Variants in RUNX1T1 observed in about 807,000 individuals in gnomAD.
RUNX1T1 encodes protein CBFA2T1.
Under a neutral mutation model 62.8 loss-of-function variants are expected in RUNX1T1, and 4 were observed. The ratio of observed to expected loss-of-function variants is 0.06; its 90% CI spans 0.03 to 0.15. The LOEUF (loss-of-function observed/expected upper bound fraction) is 0.15. Among genes scored for constraint, RUNX1T1 ranks in the 10% least tolerant of loss-of-function variants. RUNX1T1 has a pLI of 1.00. For synonymous variants in RUNX1T1, 291 were observed against 286.0 expected, an observed-to-expected ratio of 1.02 and a Z score of -0.18; for missense variants, 508 against 754.3, an observed-to-expected ratio of 0.67 and a Z score of 3.82.
In RUNX1T1 at chr8:92,087,383, C is replaced by T. The variant is rs138687296; in HGVS notation, c.-85-11246G>A. Reference sequence around the variant, plus strand: ...TTCTCTCTCCACCCCTACTCCACCCCAATACTCCTCCAAAGTCTTTTCCAC... The same window carrying T: ...TTCTCTCTCCACCCCTACTCCACCCTAATACTCCTCCAAAGTCTTTTCCAC... On this transcript the variant is annotated intron_variant, in intron 1 of 11. Transcript: ENST00000265814. Among the ~76,000 whole-genome samples the T allele has an allele frequency of 4.9e-3, 305 of 61,942 alleles. 2 individuals are homozygous for T. Among genetic ancestry groups the T allele is most frequent in the African/African-American group, 0.029 (286 of 9,988 alleles). The allele number at this position is 61,942 out of a possible 152,430, so 40.6% of individuals were successfully genotyped here.
chr8:91,976,754 A>G (rs183063379), intron 8 of RUNX1T1, among the ~76,000 whole-genome samples: 31 of 152,382 alleles, frequency 2.0e-4, no homozygotes, highest in African/African-American at 7.2e-4. Context: ...TATAGTTCTT[A>G]CATATGCTCA....
chr8:91,982,286 A>G (rs911184121), intron 8 of RUNX1T1, among the ~76,000 whole-genome samples: 2 of 152,014 alleles, frequency 1.3e-5, no homozygotes, highest in African/African-American at 2.4e-5. Context: ...AGACTTCTAG[A>G]AAACAAAAAG....
rs1563801339 is a variant in RUNX1T1, at chr8:92,031,305, CT to C, written c.8-13943del. 2.0e-5 allele frequency among the ~76,000 whole-genome samples: 3 copies of C among 152,248 alleles called. No homozygotes were observed. In the South Asian group the frequency reaches 6.2e-4, roughly 32 times the overall value. ...ACATAGTCGGGTGTCCATTCAACCCCTATTGTGTGTGTACTCAAATCATTAC... is the reference window on the plus strand; with the variant it reads ...ACATAGTCGGGTGTCCATTCAACCCCATTGTGTGTGTACTCAAATCATTAC... On this transcript the variant is annotated intron_variant, in intron 1 of 10. Coordinates refer to ENST00000396218, the Ensembl canonical transcript of RUNX1T1.
chr8:91,996,930 T>C (rs1175696881), intron 5 of RUNX1T1, among the ~76,000 whole-genome samples: 1 of 150,014 alleles, frequency 6.7e-6, no homozygotes, highest in Non-Finnish European at 1.5e-5. Flanking sequence ...GAGACCAGCC[T>C]GGCCGACATG....
chr8:92,038,006 CT>C (rs1223044015), intron 1 of RUNX1T1, among the ~76,000 whole-genome samples: 1 of 151,866 alleles, frequency 6.6e-6, no homozygotes, highest in African/African-American at 2.4e-5. Flanking sequence ...ATTTTCACCC[CT>C]TTGTTTCCTT....
intron 1 of RUNX1T1, among the ~76,000 whole-genome samples, chr8:92,051,891 T>TAA (rs113781343): frequency 2.1e-5 from 3 of 142,854 alleles, no homozygotes; most frequent in Non-Finnish European, 3.1e-5. Context: ...TCATGCTCTT[T>TAA]AAAAAAAAAA....
exon 11 of RUNX1T1, chr8:91,959,135 C>T (rs1395279006): frequency 4.6e-6 from 1 of 217,846 alleles, no homozygotes; most frequent in Non-Finnish European, 9.3e-6. Flanking sequence ...CATTGGGAAA[C>T]CTCACAGGAC....
intron 1 of RUNX1T1, among the ~76,000 whole-genome samples, chr8:92,019,766 T>C (rs1948359212): frequency 6.6e-6 from 1 of 152,244 alleles, no homozygotes; most frequent in Non-Finnish European, 1.5e-5. Flanking sequence ...TCCTATCTTC[T>C]TCCCAATTTT....
chr8:92,075,766 T>A (rs568392263), intron 2 of RUNX1T1, among the ~76,000 whole-genome samples, 199 bp downstream of exon 2: 1 of 152,152 alleles, frequency 6.6e-6, no homozygotes, highest in African/African-American at 2.4e-5. Context: ...CAAACAGGGT[T>A]CCCACCACCA....
chr8:92,076,086 C>T, exon 2 of RUNX1T1: 1 of 1,602,058 alleles, frequency 6.2e-7, no homozygotes, highest in Non-Finnish European at 8.5e-7. Context: ...TTCCTCTCTC[C>T]TTTTCTGACT....
intron 1 of RUNX1T1, among the ~76,000 whole-genome samples, chr8:92,025,326 G>A (rs929655661): frequency 6.6e-6 from 1 of 152,038 alleles, no homozygotes; most frequent in Non-Finnish European, 1.5e-5. Flanking sequence ...AAAGACCTTT[G>A]TGACCCATCT....
intron 1 of RUNX1T1, among the ~76,000 whole-genome samples, chr8:92,059,349 T>C (rs573229481): frequency 1.3e-5 from 2 of 152,306 alleles, no homozygotes; most frequent in East Asian, 3.9e-4. Context: ...ATTATCCAAA[T>C]GTTCAGTTAC....
At chr8:92,029,895 G>A (rs917021980) in intron 1 of RUNX1T1, among the ~76,000 whole-genome samples, 2 of 152,262 alleles carry the variant, frequency 1.3e-5, no homozygotes, top group East Asian at 1.9e-4. Flanking sequence ...GGACAGGTCA[G>A]TGAACAAAAA....
rs191719162 is a variant in RUNX1T1 at position 91,991,380 on chromosome 8, G to C, written c.910+259C>G. On this transcript the variant is annotated intron_variant, in intron 6 of 10. Transcript: ENST00000396218. ...TACCAACACAACAATTGAGGGTCTT[G>C]TATTAATCTAGATGCCCTCCTCCAA... Among the ~76,000 whole-genome samples the C allele has an allele frequency of 4.1e-4, 62 of 152,238 alleles. No homozygotes were observed. The East Asian group carries it at 0.011, about 28-fold the overall frequency.
At chr8:92,006,023 C>T (rs763932618) in intron 4 of RUNX1T1, 11 of 151,590 alleles carry the variant, frequency 7.3e-5, no homozygotes, top group Admixed American at 1.3e-4. Flanking sequence ...CATATTTCTT[C>T]TAATGTTAGA....
intron 1 of RUNX1T1, 151 bp from the exon 3 acceptor site, chr8:92,017,514 T>G: frequency 6.6e-7 from 1 of 1,525,902 alleles, no homozygotes; most frequent in Non-Finnish European, 8.8e-7. Flanking sequence ...TAAATCAGGA[T>G]TTTATCATCC....
chr8:92,025,699 T>C (rs1306829488), intron 1 of RUNX1T1, among the ~76,000 whole-genome samples: 1 of 152,210 alleles, frequency 6.6e-6, no homozygotes, highest in Non-Finnish European at 1.5e-5. Context: ...ATTTTATTTG[T>C]TTTTATAGTC....
intron 2 of RUNX1T1, 31 bp downstream of exon 2, chr8:92,075,934 T>C: frequency 6.4e-7 from 1 of 1,574,240 alleles, no homozygotes; most frequent in Middle Eastern, 1.7e-4. Flanking sequence ...GTAAGTAAAT[T>C]GCAAAATCAA....
chr8:92,040,444 G>A (rs952806071), intron 1 of RUNX1T1, among the ~76,000 whole-genome samples: 4 of 152,112 alleles, frequency 2.6e-5, no homozygotes, highest in Non-Finnish European at 5.9e-5. Flanking sequence ...TCTGCACAAT[G>A]CTTAGCACAC....
Sources: allele counts gnomAD v4.1 joint callset (sites outside exome capture counted in the v4.1 genomes callset), GRCh38; gene constraint gnomAD v4.1.1; transcripts MANE v1.5; gene names NCBI Gene and HGNC (gene_info 2026-07-23, HGNC 2026-07-21).